Variants in PGF observed in about 807,000 individuals in gnomAD.
PGF encodes placenta growth factor.
PGF carries 11 observed loss-of-function variants against 25.3 expected under a neutral mutation model. That is an observed-to-expected ratio of 0.43 (90% confidence interval 0.27 to 0.72). The LOEUF (loss-of-function observed/expected upper bound fraction) is 0.72. PGF is among the 30% of genes least tolerant of loss of function. The probability of loss-of-function intolerance (pLI) is 0.18; values close to 1 mark genes in which losing one functional copy is unlikely to be tolerated. For synonymous variants in PGF, 105 were observed against 97.9 expected (o/e 1.07, Z -0.43); for missense variants, 230 against 234.9 (o/e 0.98, Z 0.14).
chr14:74,946,144 C>T, intron 6 of PGF, 69 bp downstream of exon 6: 2 of 1,471,286 alleles, frequency 1.4e-6, no homozygotes, highest in Non-Finnish European at 1.9e-6. Flanking sequence ...CCCAACCTAA[C>T]CCTGGCGGCA....
At chr14:74,948,058 T>G (rs949951065) in intron 4 of PGF, 10 of 155,882 alleles carry the variant, frequency 6.4e-5, no homozygotes, top group Non-Finnish European at 1.1e-4. Context: ...TACCCGAGCT[T>G]GTCCTTCTTG....
chr14:74,951,132 T>A (rs545120589), intron 2 of PGF, among the ~76,000 whole-genome samples: 1 of 152,296 alleles, frequency 6.6e-6, no homozygotes, highest in Admixed American at 6.5e-5. Flanking sequence ...TAGGCAGTCA[T>A]AGAGGCAATA....
At chr14:74,946,802 G>T in intron 4 of PGF, 1 of 730,610 alleles carries the variant, frequency 1.4e-6, no homozygotes. Flanking sequence ...AGGAGATGAT[G>T]GCCAGACAGC....
chr14:74,946,537 G>C (rs952733652), intron 4 of PGF, 129 bp from the exon 5 acceptor site: 5 of 840,506 alleles, frequency 5.9e-6, no homozygotes, highest in Non-Finnish European at 9.2e-6. Flanking sequence ...AGGCCACTAG[G>C]GGGTAGCATG....
intron 4 of PGF, 79 bp from the exon 5 acceptor site, chr14:74,946,487 C>T (rs1888739608): frequency 7.2e-7 from 1 of 1,390,640 alleles, no homozygotes; most frequent in South Asian, 1.3e-5. Context: ...CGGACAGGTC[C>T]CCTCCGACAT....
intron 2 of PGF, among the ~76,000 whole-genome samples, chr14:74,952,482 C>A (rs1287861107): frequency 6.6e-6 from 1 of 152,256 alleles, no homozygotes; most frequent in Non-Finnish European, 1.5e-5. Context: ...AAATGGAGTA[C>A]AACCCCTTCC....
intron 1 of PGF, among the ~76,000 whole-genome samples, chr14:74,954,875 G>C (rs1424328536): frequency 2.0e-5 from 3 of 152,124 alleles, no homozygotes; most frequent in African/African-American, 7.2e-5. Flanking sequence ...GGGATTAGTG[G>C]ACAGATGCTT....
At chr14:74,948,443 T>C in intron 4 of PGF, 64 bp downstream of exon 4, 1 of 1,039,826 alleles carries the variant, frequency 9.6e-7, no homozygotes. Flanking sequence ...GGGACCCATC[T>C]TTGCTGAGGC....
intron 6 of PGF, among the ~76,000 whole-genome samples, chr14:74,944,127 C>T (rs558520506): frequency 1.1e-3 from 140 of 128,420 alleles, no homozygotes; most frequent in Non-Finnish European, 1.9e-3. Flanking sequence ...TTTTTTGAGA[C>T]GGAGTCTTGC....
At chr14:74,946,783 C>T (rs1888748199) in intron 4 of PGF, 1 of 718,816 alleles carries the variant, frequency 1.4e-6, no homozygotes, top group East Asian at 2.6e-5. Flanking sequence ...TGGGAATTTC[C>T]TCAGGGACAG....
intron 2 of PGF, among the ~76,000 whole-genome samples, chr14:74,952,982 C>T (rs2140409726): frequency 6.6e-6 from 1 of 152,298 alleles, no homozygotes; most frequent in Non-Finnish European, 1.5e-5. Flanking sequence ...TTCCCCAAAT[C>T]CCAAGGAGCA....
intron 4 of PGF, 126 bp downstream of exon 4, chr14:74,948,381 C>A (rs889894404): frequency 3.4e-5 from 19 of 562,312 alleles, no homozygotes; most frequent in Non-Finnish European, 5.5e-5. Flanking sequence ...CTCCCTCAGT[C>A]TGGAAAAAAG....
chr14:74,946,376 T>A lies in PGF; in HGVS notation c.422+3A>T. 1 of 1,612,804 alleles carries A rather than the reference T, an allele frequency of 6.2e-7. No individual in the cohort carries two copies. Among genetic ancestry groups the A allele is most frequent in the Non-Finnish European group, 8.5e-7 (1 of 1,179,110 alleles). On this transcript the variant is annotated splice_donor_region_variant and intron_variant, in intron 5 of 6. Coordinates refer to ENST00000555567, the MANE Select transcript of PGF (RefSeq NM_002632.6). ...AGCCCCGAGCCCCAGCCAAACCACT[T>A]ACCTTTCCGGCTTCATCTTCTCCCG...
chr14:74,944,193 C>T (rs985178079), intron 6 of PGF, among the ~76,000 whole-genome samples: 4 of 150,132 alleles, frequency 2.7e-5, no homozygotes, highest in Admixed American at 2.0e-4. Flanking sequence ...AGTTCCGCCT[C>T]CCGGGTTCAT....
At chr14:74,954,708 C>G (rs976088850) in intron 1 of PGF, among the ~76,000 whole-genome samples, 10 of 152,070 alleles carry the variant, frequency 6.6e-5, no homozygotes, top group African/African-American at 1.9e-4. Context: ...GAGCCCACGG[C>G]TCAGTCCTGA....
chr14:74,953,334 A>T lies in PGF; in HGVS notation c.118+570T>A, dbSNP rs377578129. Among the ~76,000 whole-genome samples the T allele has an allele frequency of 6.6e-6, 1 of 152,116 alleles. No individual in the cohort carries two copies. On this transcript the variant is annotated intron_variant, in intron 2 of 6. Transcript: ENST00000555567. This position sits in a 1 kb window ranked among gnomAD's most constrained non-coding sequence, Gnocchi z 5.4. ...CATGGGCCTCCTGCCTTCTGTACAT[A>T]TGTCTCTTTGGCAAACGTCTCGTTG... is the stretch of plus-strand genomic sequence containing the variant.
At position 74,950,856 on chromosome 14, in the gene PGF, A is replaced by G. The variant is rs1432589196; in HGVS notation, c.119-1303T>C. 1.3e-5 allele frequency among the ~76,000 whole-genome samples: 2 copies of G among 152,224 alleles called. No homozygotes were observed. Among genetic ancestry groups the G allele is most frequent in the Non-Finnish European group, 2.9e-5 (2 of 68,030 alleles). On this transcript the variant is annotated intron_variant, in intron 2 of 6. Coordinates refer to ENST00000555567, the MANE Select transcript of PGF (RefSeq NM_002632.6). This position sits in a 1 kb window ranked among gnomAD's most constrained non-coding sequence, Gnocchi z 4.1. Reference sequence around the variant, plus strand: ...TCATCCTGCTCTGCATCTGATGGTCATCCTCAGCTAGTGGGGAAGAATGGG... The same window carrying G: ...TCATCCTGCTCTGCATCTGATGGTCGTCCTCAGCTAGTGGGGAAGAATGGG...
intron 2 of PGF, among the ~76,000 whole-genome samples, chr14:74,952,867 A>G (rs1358284113): frequency 1.3e-5 from 2 of 152,188 alleles, no homozygotes; most frequent in African/African-American, 4.8e-5. Context: ...CAAGGCTCCC[A>G]TTTTACAGAT....
In PGF at chr14:74,949,415, C is replaced by A; in HGVS notation, c.257G>T (p.Cys86Phe). The change falls in exon 3 of 7, where the codon TGC becomes TTC. Residue 86 changes from cysteine (C) to phenylalanine (F), a missense_variant. Physicochemically the swap from Cys to Phe is radical, Grantham distance 205 (BLOSUM62 -2). Transcript: ENST00000555567. Reference sequence around the variant, plus strand: ...ACAGTGCAGATTCTCATCGCCGCAGCAGCCGGTGCAGCGCAGCAGGGAGAC... The same window carrying A: ...ACAGTGCAGATTCTCATCGCCGCAGAAGCCGGTGCAGCGCAGCAGGGAGAC... ...SCVSLLRCTGCCGDENLHCVP... is the reference protein window; with the variant it reads ...SCVSLLRCTGFCGDENLHCVP... The A allele has an allele frequency of 6.2e-7, 1 of 1,608,050 alleles. No homozygotes were observed. The highest frequency in any genetic ancestry group is 2.3e-5 in the East Asian group (1 of 44,422).
Sources: gnomAD v4.1 joint callset for allele counts (sites outside exome capture counted in the v4.1 genomes callset) on GRCh38, gnomAD v4.1.1 for gene constraint, Gnocchi (gnomAD v3.1) non-coding constraint, MANE v1.5 for transcripts, NCBI Gene and HGNC (gene_info 2026-07-23, HGNC 2026-07-21) for gene names.